The following FHAD1 variants were observed in gnomAD, a reference collection of about 807,000 sequenced individuals.
The protein encoded by FHAD1 is forkhead associated phosphopeptide binding domain 1, also known as forkhead-associated domain-containing protein 1.
FHAD1 carries 146 observed loss-of-function variants against 191.3 expected under a neutral mutation model. The ratio of observed to expected loss-of-function variants is 0.76; its 90% CI spans 0.67 to 0.88. The LOEUF is 0.88. Among genes scored for constraint, FHAD1 ranks in the 40% least tolerant of loss-of-function variants. The pLI is 0.00. For missense variants in FHAD1, 1,635 were observed against 1,785.8 expected, an observed-to-expected ratio of 0.92 and a Z score of 1.52; for synonymous variants, 616 against 672.3, an observed-to-expected ratio of 0.92 and a Z score of 1.29.
At chr1:15,376,872 C>T (rs185084716) in intron 28 of FHAD1, among the ~76,000 whole-genome samples, 36 of 152,138 alleles carry the variant, frequency 2.4e-4, no homozygotes, top group Admixed American at 2.4e-3. Context: ...CCCATCTCTA[C>T]AAAAAAATTA....
At chr1:15,271,714 A>G (rs1292346774) in intron 2 of FHAD1, among the ~76,000 whole-genome samples, 6 of 152,208 alleles carry the variant, frequency 3.9e-5, no homozygotes, top group Non-Finnish European at 5.9e-5. Flanking sequence ...AAAAAATTTA[A>G]AAGGACGTAA....
At chr1:15,319,543 T>C (rs1166558634) in intron 10 of FHAD1, among the ~76,000 whole-genome samples, 1 of 152,156 alleles carries the variant, frequency 6.6e-6, no homozygotes, top group African/African-American at 2.4e-5. Flanking sequence ...GAGGATTGCT[T>C]TAGACCAGGA....
chr1:15,331,486 TGATGGATGGATGGATGGATGGATG>T (rs140320304), intron 14 of FHAD1, among the ~76,000 whole-genome samples: 5 of 83,086 alleles, frequency 6.0e-5, no homozygotes, highest in African/African-American at 2.0e-4. Context: ...GTGGGTGGAT[TGATGGATGGATGGATGGATGGATG>T]GATGGATGGA....
chr1:15,314,852 G>A (rs1456662786), intron 8 of FHAD1, among the ~76,000 whole-genome samples: 3 of 138,754 alleles, frequency 2.2e-5, no homozygotes, highest in South Asian at 2.4e-4. Flanking sequence ...GTGAGGGGGC[G>A]TGTGGATGTG....
intron 18 of FHAD1, among the ~76,000 whole-genome samples, chr1:15,348,549 G>A (rs1689711996): frequency 1.3e-5 from 2 of 152,180 alleles, no homozygotes; most frequent in African/African-American, 4.8e-5. Context: ...AGAAATTGGT[G>A]TATCGTGGCT....
rs368274850 is a variant in FHAD1, at chr1:15,272,285, GT to G, written c.94-34del. On this transcript the variant is annotated intron_variant, in intron 2 of 33. Transcript: ENST00000688493. ...AAACATTAGGGGCCGTGTCATTTTT[GT>G]TTTCATGGCTACGACTGTCCTCCTT... 404 of 1,527,482 alleles carry G rather than the reference GT, an allele frequency of 2.6e-4. 2 individuals are homozygous for G. The African/African-American group carries it at 4.8e-3, about 18-fold the overall frequency. 94.6% of individuals were successfully genotyped at this position (1,527,482 alleles called of 1,614,324 possible).
chr1:15,324,585 A>G, intron 11 of FHAD1, 26 bp downstream of exon 11: 1 of 1,475,788 alleles, frequency 6.8e-7, no homozygotes, highest in Non-Finnish European at 9.3e-7. Flanking sequence ...AGCCCCCCTC[A>G]TTGGCCCACG....
chr1:15,249,312 C>T (rs970704109), intron 1 of FHAD1, among the ~76,000 whole-genome samples: 4 of 149,926 alleles, frequency 2.7e-5, no homozygotes, highest in Non-Finnish European at 5.9e-5. Context: ...AAAAGCCAGT[C>T]ATTCAGATTT....
At chr1:15,357,363 C>T (rs554634404) in intron 20 of FHAD1, among the ~76,000 whole-genome samples, 2 of 152,166 alleles carry the variant, frequency 1.3e-5, no homozygotes, top group South Asian at 2.1e-4. Context: ...CGTTGGCACA[C>T]GCCTGTAATC....
Position 15,369,516 on chromosome 1 carries a change from A to G in FHAD1, c.3447+14A>G. On this transcript the variant is annotated intron_variant, in intron 26 of 33. Transcript: ENST00000688493. ...AGCAGCCAAGAGGTGAGTGCCACCC[A>G]CTCCTGGGTACTGGAAGGATGTGCA... 1 of 1,551,228 alleles carries G rather than the reference A, an allele frequency of 6.4e-7. No individual in the cohort carries two copies. Among genetic ancestry groups the G allele is most frequent in the Non-Finnish European group, 8.7e-7 (1 of 1,146,800 alleles).
At chr1:15,304,192 G>A (rs1669720075) in intron 6 of FHAD1, among the ~76,000 whole-genome samples, 1 of 152,198 alleles carries the variant, frequency 6.6e-6, no homozygotes, top group Admixed American at 6.5e-5. Flanking sequence ...AATGCGTACC[G>A]CCATGCGGCC....
intron 2 of FHAD1, among the ~76,000 whole-genome samples, chr1:15,270,100 G>A (rs1428616558): frequency 6.6e-6 from 1 of 151,940 alleles, no homozygotes; most frequent in Non-Finnish European, 1.5e-5. Context: ...TAGTAGAGAT[G>A]GGTTTTCACC....
chr1:15,289,697 G>T lies in FHAD1; in HGVS notation c.568+31G>T. On this transcript the variant is annotated intron_variant, in intron 4 of 33. Coordinates refer to ENST00000688493, the MANE Select transcript of FHAD1 (RefSeq NM_001391957.1). This position sits in a 1 kb window ranked among gnomAD's most constrained non-coding sequence, Gnocchi z 4.2. ...CGTCAGGGCTGCCATTGGTGGCTTG[G>T]GGGTGGTTCACGGCCATGTGGATGG... 1 of 1,529,166 alleles carries T rather than the reference G, an allele frequency of 6.5e-7. No individual in the cohort carries two copies. Among genetic ancestry groups the T allele is most frequent in the Non-Finnish European group, 8.8e-7 (1 of 1,130,832 alleles). The allele number at this position is 1,529,166 out of a possible 1,614,324, so 94.7% of individuals were successfully genotyped here.
At chr1:15,305,951 A>T in intron 6 of FHAD1, 1 of 227,042 alleles carries the variant, frequency 4.4e-6, no homozygotes. Flanking sequence ...AAAATGTGGA[A>T]GCAACTTTGG....
Position 15,320,278 on chromosome 1 carries a change from C to T in FHAD1, c.1365+2350C>T, listed in dbSNP as rs1050994197. ...ACTTGTTTTATGGCCTGCATGTGGCCGACTGCAGTTCCACGTGCACACTTG... is the reference window on the plus strand; with the variant it reads ...ACTTGTTTTATGGCCTGCATGTGGCTGACTGCAGTTCCACGTGCACACTTG... On this transcript the variant is annotated intron_variant, in intron 10 of 33. Coordinates refer to ENST00000688493, the MANE Select transcript of FHAD1 (RefSeq NM_001391957.1). Among the ~76,000 whole-genome samples the T allele has an allele frequency of 4.2e-4, 64 of 152,060 alleles. 2 individuals are homozygous for T. The highest frequency in any genetic ancestry group is 7.2e-5 in the African/African-American group (3 of 41,406).
At chr1:15,308,019 T>G (rs952279510) in intron 6 of FHAD1, among the ~76,000 whole-genome samples, 1 of 152,180 alleles carries the variant, frequency 6.6e-6, no homozygotes, top group African/African-American at 2.4e-5. Flanking sequence ...CGTGAGCCAC[T>G]GCGCCCGGCC....
chr1:15,241,249 G>A (rs1645333316), intron 1 of FHAD1, among the ~76,000 whole-genome samples: 2 of 152,234 alleles, frequency 1.3e-5, no homozygotes, highest in South Asian at 4.1e-4. Flanking sequence ...GCTACTTGAA[G>A]AGACATGCTT....
At chr1:15,344,994 A>T in intron 16 of FHAD1, 89 bp from the exon 17 acceptor site, 1 of 956,986 alleles carries the variant, frequency 1.0e-6, no homozygotes, top group Non-Finnish European at 1.6e-6. Flanking sequence ...TGCGGTGAGG[A>T]GTGAAGAGGT....
intron 7 of FHAD1, among the ~76,000 whole-genome samples, chr1:15,309,961 C>T (rs536816965): frequency 4.6e-5 from 7 of 152,152 alleles, no homozygotes; most frequent in African/African-American, 1.4e-4. Context: ...GAACAAGGGG[C>T]TATGGGACCT....
Sources: gnomAD v4.1 joint callset for allele counts (sites outside exome capture counted in the v4.1 genomes callset) on GRCh38, gnomAD v4.1.1 for gene constraint, Gnocchi (gnomAD v3.1) non-coding constraint, MANE v1.5 for transcripts, NCBI Gene and HGNC (gene_info 2026-07-23, HGNC 2026-07-21) for gene names.